The following ARHGAP44 variants were observed in gnomAD, a reference collection of about 807,000 sequenced individuals.
ARHGAP44 encodes the protein Rho GTPase activating protein 44.
Under a neutral mutation model 106.8 loss-of-function variants are expected in ARHGAP44, and 43 were observed. The ratio of observed to expected loss-of-function variants is 0.40; its 90% CI spans 0.32 to 0.52. The LOEUF is 0.52. Ranked by LOEUF, ARHGAP44 falls within the 20% of genes least tolerant of loss-of-function variation. The pLI is 0.48. For missense variants in ARHGAP44, 866 were observed against 1,050.5 expected, an observed-to-expected ratio of 0.82 and a Z score of 2.43; for synonymous variants, 439 against 410.3, an observed-to-expected ratio of 1.07 and a Z score of -0.85.
chr17:12,946,148 T>TA (rs2038845716), intron 10 of ARHGAP44, among the ~76,000 whole-genome samples: 1 of 152,142 alleles, frequency 6.6e-6, no homozygotes, highest in Non-Finnish European at 1.5e-5. Flanking sequence ...CTGAAATTTT[T>TA]AAAAAAATTA....
chr17:12,944,446 T>C (rs1444167198), intron 10 of ARHGAP44, among the ~76,000 whole-genome samples: 1 of 152,010 alleles, frequency 6.6e-6, no homozygotes, highest in Non-Finnish European at 1.5e-5. Context: ...AGTCATTCTT[T>C]CCCCTGGTTT....
intron 1 of ARHGAP44, among the ~76,000 whole-genome samples, chr17:12,855,692 T>C (rs4792293): frequency 0.68 from 103,133 of 152,076 alleles, 35,254 homozygotes; most frequent in African/African-American, 0.73. Flanking sequence ...CTTTGGACTG[T>C]TTATTAAAAT....
chr17:12,824,507 G>T (rs2067122283), intron 1 of ARHGAP44, among the ~76,000 whole-genome samples: 2 of 152,002 alleles, frequency 1.3e-5, no homozygotes, highest in African/African-American at 4.8e-5. Context: ...ATTTCTGCCA[G>T]ACTTCCTGTT....
At chr17:12,809,358 C>T (rs1171057645) in intron 1 of ARHGAP44, among the ~76,000 whole-genome samples, 2 of 152,082 alleles carry the variant, frequency 1.3e-5, no homozygotes, top group African/African-American at 2.4e-5. Flanking sequence ...AAAGACATAC[C>T]CAAAGGAAAG....
At position 12,937,050 on chromosome 17, in the gene ARHGAP44, G is replaced by A. The variant is rs1015060241; in HGVS notation, c.583-4006G>A. On this transcript the variant is annotated intron_variant, in intron 7 of 20. Coordinates refer to ENST00000379672, the MANE Select transcript of ARHGAP44 (RefSeq NM_014859.6). The stretch of plus-strand genomic sequence containing the variant: ...GGGAAGCATTCATAGTGCTATGATC[G>A]GTCTCTTTCTTTTGGTGAGCCTGTG... Among the ~76,000 whole-genome samples, 4 of 152,288 alleles carry A rather than the reference G, an allele frequency of 2.6e-5. No individual in the cohort carries two copies. The South Asian group carries it at 8.3e-4, about 32-fold the overall frequency.
chr17:12,944,094 C>T lies in ARHGAP44; in HGVS notation c.759C>T (p.Phe253=), dbSNP rs369346611. ...QQEAWVEKPS[F]GKPLEEHLTI... ...AGGCCTGGGTAGAGAAGCCTTCCTTCGGGAAGCCGCTGGAGGAGCACCTCA... is the reference window on the plus strand; with the variant it reads ...AGGCCTGGGTAGAGAAGCCTTCCTTTGGGAAGCCGCTGGAGGAGCACCTCA... The change falls in exon 10 of 21, where the codon TTC becomes TTT. Residue 253 remains phenylalanine (F), a synonymous_variant. Transcript: ENST00000379672. The T allele has an allele frequency of 1.9e-5, 31 of 1,611,906 alleles. No homozygotes were observed. The highest frequency in any genetic ancestry group is 1.6e-4 in the Middle Eastern group (1 of 6,080).
intron 12 of ARHGAP44, among the ~76,000 whole-genome samples, chr17:12,950,700 C>T (rs578196395): frequency 1.3e-5 from 2 of 151,722 alleles, no homozygotes; most frequent in African/African-American, 2.4e-5. Context: ...ATGATGGAGA[C>T]GAGGGTAGAG....
At chr17:12,793,221 C>G (rs1597847382) in intron 1 of ARHGAP44, among the ~76,000 whole-genome samples, 1 of 152,322 alleles carries the variant, frequency 6.6e-6, no homozygotes, top group East Asian at 1.9e-4. Flanking sequence ...TGAAAAGTAC[C>G]TAGCAGTGCT....
chr17:12,822,844 T>C (rs928676934), intron 1 of ARHGAP44, among the ~76,000 whole-genome samples: 3 of 152,182 alleles, frequency 2.0e-5, no homozygotes, highest in African/African-American at 7.2e-5. Flanking sequence ...CAGTTGATCT[T>C]AAAGCCTAAA....
intron 1 of ARHGAP44, among the ~76,000 whole-genome samples, chr17:12,814,198 C>T (rs774509361): frequency 6.6e-6 from 1 of 150,856 alleles, no homozygotes; most frequent in Non-Finnish European, 1.5e-5. Flanking sequence ...GGTCACACAC[C>T]CTTCCCTGTT....
At chr17:12,990,006 C>A (rs2040081783) in intron 20 of ARHGAP44, 26 bp from the exon 21 acceptor site, 1 of 1,591,474 alleles carries the variant, frequency 6.3e-7, no homozygotes, top group Admixed American at 1.7e-5. Context: ...CTCCTTTCAA[C>A]CACCTCTCTC....
chr17:12,957,068 A>AC (rs1281183138), intron 15 of ARHGAP44, among the ~76,000 whole-genome samples: 1 of 147,876 alleles, frequency 6.8e-6, no homozygotes, highest in East Asian at 2.6e-4. Context: ...CTCCTGCCTC[A>AC]CCCCCTCTAC....
chr17:12,918,822 T>G (rs978374483), intron 5 of ARHGAP44, among the ~76,000 whole-genome samples: 5 of 150,880 alleles, frequency 3.3e-5, no homozygotes, highest in African/African-American at 1.2e-4. Flanking sequence ...TGAGCCCTGG[T>G]TTTTTTTTGG....
intron 16 of ARHGAP44, among the ~76,000 whole-genome samples, chr17:12,960,170 C>T (rs2039225239): frequency 6.6e-6 from 1 of 151,876 alleles, no homozygotes; most frequent in African/African-American, 2.4e-5. Context: ...GTGCGCTATG[C>T]TGGTGTTTAT....
intron 1 of ARHGAP44, among the ~76,000 whole-genome samples, chr17:12,887,495 C>T (rs1377218101): frequency 6.6e-6 from 1 of 152,146 alleles, no homozygotes; most frequent in African/African-American, 2.4e-5. Flanking sequence ...CCACCTTGGC[C>T]TCCCGAAGTG....
At chr17:12,964,862 A>G (rs1428766168) in intron 16 of ARHGAP44, among the ~76,000 whole-genome samples, 2 of 152,088 alleles carry the variant, frequency 1.3e-5, no homozygotes, top group African/African-American at 2.4e-5. Flanking sequence ...CCAGATAGCT[A>G]TCAGATAACT....
chr17:12,847,512 CTTTT>C (rs58514182), intron 1 of ARHGAP44, among the ~76,000 whole-genome samples: 1 of 125,482 alleles, frequency 8.0e-6, no homozygotes, highest in Non-Finnish European at 1.6e-5. Context: ...TACCATCACT[CTTTT>C]TTTTTTTTTT....
intron 5 of ARHGAP44, 71 bp from the exon 6 acceptor site, chr17:12,919,684 C>A: frequency 7.1e-7 from 1 of 1,414,734 alleles, no homozygotes; most frequent in Non-Finnish European, 9.7e-7. Flanking sequence ...CCGCGCCTGG[C>A]CAGGAATGGT....
chr17:12,805,450 A>G (rs764571159), intron 1 of ARHGAP44, among the ~76,000 whole-genome samples: 14 of 152,176 alleles, frequency 9.2e-5, no homozygotes, highest in Admixed American at 2.0e-4. Flanking sequence ...AGTTTTTTCC[A>G]TGCTAAATAT....
Sources: gnomAD v4.1 joint callset for allele counts (sites outside exome capture counted in the v4.1 genomes callset) on GRCh38, gnomAD v4.1.1 for gene constraint, MANE v1.5 for transcripts, NCBI Gene and HGNC (gene_info 2026-07-23, HGNC 2026-07-21) for gene names.